Variants in PABPC4L observed in about 807,000 individuals in gnomAD.
PABPC4L encodes the protein polyadenylate-binding protein 4-like.
For synonymous variants in PABPC4L, 169 were observed against 164.1 expected (o/e 1.03, Z -0.23); for missense variants, 452 against 451.4 (o/e 1.00, Z -0.01).
chr4:134,082,307 T>A, the PABPC4L span, among the ~76,000 whole-genome samples: 1 of 152,068 alleles, frequency 6.6e-6, no homozygotes, highest in Non-Finnish European at 1.5e-5. Flanking sequence ...TTTTCTTTTT[T>A]GAAAAAAAAG....
At chr4:134,179,792 A>T in the PABPC4L span, among the ~76,000 whole-genome samples, 10 of 152,224 alleles carry the variant, frequency 6.6e-5, no homozygotes, top group South Asian at 2.1e-4. Flanking sequence ...GCAAAAAAAA[A>T]TGCATTACCT....
chr4:134,190,595 C>T, the PABPC4L span, among the ~76,000 whole-genome samples: 1 of 151,980 alleles, frequency 6.6e-6, no homozygotes, highest in Non-Finnish European at 1.5e-5. Context: ...GACTATAATA[C>T]TTCTCATAAG....
the PABPC4L span, among the ~76,000 whole-genome samples, chr4:134,163,182 T>G: frequency 1.2e-4 from 18 of 152,032 alleles, no homozygotes; most frequent in African/African-American, 4.3e-4. Context: ...GCATTCCAAT[T>G]GACAATAAAG....
the PABPC4L span, among the ~76,000 whole-genome samples, chr4:134,024,907 C>T: frequency 7.5e-6 from 1 of 132,498 alleles, no homozygotes; most frequent in African/African-American, 2.9e-5. Context: ...GTAGCTAGAA[C>T]CCAGCTAATT....
At chr4:134,055,917 G>C in the PABPC4L span, among the ~76,000 whole-genome samples, 22,115 of 151,796 alleles carry the variant, frequency 0.15, 1,943 homozygotes, top group Non-Finnish European at 0.19. Flanking sequence ...GAAGACTTTT[G>C]TATGTTGTTT....
At chr4:134,016,807 C>T in the PABPC4L span, among the ~76,000 whole-genome samples, 6 of 152,118 alleles carry the variant, frequency 3.9e-5, no homozygotes, top group African/African-American at 1.4e-4. Flanking sequence ...CTCAGTGTTC[C>T]ATCTGCTATT....
chr4:134,174,381 TTAGA>T, the PABPC4L span, among the ~76,000 whole-genome samples: 3 of 152,160 alleles, frequency 2.0e-5, no homozygotes, highest in Non-Finnish European at 4.4e-5. Context: ...TTATCAAGTA[TTAGA>T]TACTGTACAT....
the PABPC4L span, among the ~76,000 whole-genome samples, chr4:134,067,802 A>G: frequency 7.2e-5 from 11 of 152,112 alleles, no homozygotes; most frequent in African/African-American, 2.4e-4. Context: ...ATTCAAGAGC[A>G]ATTTGTTTAA....
chr4:134,186,446 A>C, the PABPC4L span, among the ~76,000 whole-genome samples: 1 of 152,188 alleles, frequency 6.6e-6, no homozygotes, highest in Non-Finnish European at 1.5e-5. Context: ...TGGGGAAAAG[A>C]TTCCCTATTT....
At chr4:134,074,638 T>C in the PABPC4L span, among the ~76,000 whole-genome samples, 1 of 152,162 alleles carries the variant, frequency 6.6e-6, no homozygotes, top group Non-Finnish European at 1.5e-5. Context: ...TATGGAGAAA[T>C]ACCCAACACT....
In PABPC4L at chr4:134,200,742, C is replaced by T; in HGVS notation, c.278G>A (p.Arg93Lys). 1 of 1,551,712 alleles carries T rather than the reference C, an allele frequency of 6.4e-7. No individual in the cohort carries two copies. The highest frequency in any genetic ancestry group is 1.2e-5 in the South Asian group (1 of 84,056). Residue 93 changes from arginine to lysine, a missense_variant, in exon 2 of 2, where the codon AGG becomes AAG. Arg to Lys is a conservative substitution (Grantham distance 26). Coordinates refer to ENST00000421491, the MANE Select transcript of PABPC4L (RefSeq NM_001114734.2). ...GAATACGTTCCCAATTCCAGATCTC[C>T]TCAAGTAGGCATCGCGCTGAGACCA... ...LMWSQRDAYL[R>K]RSGIGNVFIK... is the part of the protein sequence containing the mutation.
chr4:134,169,089 A>C, the PABPC4L span, among the ~76,000 whole-genome samples: 1 of 152,110 alleles, frequency 6.6e-6, no homozygotes, highest in African/African-American at 2.4e-5. Flanking sequence ...ACAACTATTC[A>C]AAAGACCATT....
At chr4:134,020,078 A>G in the PABPC4L span, among the ~76,000 whole-genome samples, 1 of 152,286 alleles carries the variant, frequency 6.6e-6, no homozygotes, top group Non-Finnish European at 1.5e-5. Context: ...AGGTATTACA[A>G]CAACTACTGT....
At chr4:134,170,006 T>C in the PABPC4L span, among the ~76,000 whole-genome samples, 230 of 152,242 alleles carry the variant, frequency 1.5e-3, 3 homozygotes, top group Non-Finnish European at 1.2e-3. Flanking sequence ...TAGTAACTGA[T>C]AGGTAGTTTT....
chr4:134,163,431 A>G, the PABPC4L span, among the ~76,000 whole-genome samples: 4 of 152,190 alleles, frequency 2.6e-5, no homozygotes, highest in South Asian at 2.1e-4. Context: ...AGACATTCAA[A>G]TAATTGGTAT....
At chr4:134,034,377 C>T in the PABPC4L span, among the ~76,000 whole-genome samples, 1 of 151,838 alleles carries the variant, frequency 6.6e-6, no homozygotes, top group African/African-American at 2.4e-5. Context: ...TGCCTATTAA[C>T]ACAACATCCA....
the PABPC4L span, among the ~76,000 whole-genome samples, chr4:134,074,297 TTACTC>T: frequency 6.6e-6 from 1 of 152,146 alleles, no homozygotes; most frequent in African/African-American, 2.4e-5. Context: ...AGGGTGATCT[TTACTC>T]TAGTGCCTAA....
chr4:134,097,286 C>G, the PABPC4L span, among the ~76,000 whole-genome samples: 1 of 151,832 alleles, frequency 6.6e-6, no homozygotes, highest in Non-Finnish European at 1.5e-5. Flanking sequence ...AAGAAGGAGA[C>G]TCAAAAGAAA....
the PABPC4L span, among the ~76,000 whole-genome samples, chr4:134,024,480 T>A: frequency 2.0e-5 from 3 of 152,180 alleles, no homozygotes; most frequent in African/African-American, 7.2e-5. Context: ...TGTTTTCACA[T>A]GGCCTCTCTT....
Sources: gnomAD v4.1 joint callset for allele counts (sites outside exome capture counted in the v4.1 genomes callset) on GRCh38, gnomAD v4.1.1 for gene constraint, MANE v1.5 for transcripts, NCBI Gene and HGNC (gene_info 2026-07-23, HGNC 2026-07-21) for gene names.